Variants in NTNG1 observed in about 807,000 individuals in gnomAD.
NTNG1 encodes netrin-G1.
A neutral mutation model predicts 54.0 loss-of-function variants in NTNG1; 16 were observed. That is an observed-to-expected ratio of 0.30 (90% confidence interval 0.20 to 0.45). The LOEUF is 0.45. Among genes scored for constraint, NTNG1 ranks in the 20% least tolerant of loss-of-function variants. NTNG1 has a pLI of 1.00. For synonymous variants in NTNG1, 255 were observed against 263.1 expected (o/e 0.97, Z 0.30); for missense variants, 530 against 678.7 (o/e 0.78, Z 2.43).
At chr1:107,462,522 C>T (rs1301906625) in intron 7 of NTNG1, among the ~76,000 whole-genome samples, 2 of 152,164 alleles carry the variant, frequency 1.3e-5, no homozygotes, top group African/African-American at 2.4e-5. Flanking sequence ...AATAGATGTT[C>T]GCTTTTGTTA....
chr1:107,437,057 T>G lies in NTNG1; in HGVS notation c.1390+258T>G, dbSNP rs483206. ...TATTGTATGGAGATCCATATACCCG[T>G]CCAGACCATAAATTAAGTGACACAA... is the stretch of plus-strand genomic sequence containing the variant. On this transcript the variant is annotated intron_variant, in intron 7 of 7. Coordinates refer to ENST00000370068, the MANE Select transcript of NTNG1 (RefSeq NM_001113226.3). Among the ~76,000 whole-genome samples, 72,767 of 151,816 alleles carry G rather than the reference T, an allele frequency of 0.48. 17,834 individuals carry two copies. Among genetic ancestry groups the G allele is most frequent in the Non-Finnish European group, 0.53 (36,201 of 67,926 alleles).
At chr1:107,352,081 G>C (rs893453140) in intron 3 of NTNG1, among the ~76,000 whole-genome samples, 3 of 152,262 alleles carry the variant, frequency 2.0e-5, no homozygotes, top group African/African-American at 7.2e-5. Flanking sequence ...GCTTTGCAGG[G>C]TTCAGCCCCT....
intron 7 of NTNG1, among the ~76,000 whole-genome samples, chr1:107,449,144 C>A (rs758721561): frequency 6.6e-6 from 1 of 151,896 alleles, no homozygotes; most frequent in Non-Finnish European, 1.5e-5. Context: ...GAAAAACTTT[C>A]TTTCTCAGTG....
rs1003217082 is a variant in NTNG1, at chr1:107,383,828, C to T, written c.888-11326C>T. On this transcript the variant is annotated intron_variant, in intron 3 of 7. Coordinates refer to ENST00000370068, the MANE Select transcript of NTNG1 (RefSeq NM_001113226.3). ...TTTGTATTTCTGGGGCTGGAATACCCTAAACTTTCTGTTTCCTCAAAAGGA... is the reference window on the plus strand; with the variant it reads ...TTTGTATTTCTGGGGCTGGAATACCTTAAACTTTCTGTTTCCTCAAAAGGA... 2.6e-5 allele frequency among the ~76,000 whole-genome samples: 4 copies of T among 152,294 alleles called. No individual in the cohort carries two copies. The South Asian group carries it at 6.2e-4, about 24-fold the overall frequency.
Position 107,180,686 on chromosome 1 carries a change from G to C in NTNG1, c.246+31847G>C, listed in dbSNP as rs1656995509. ...TATATTGCCTTTATTTTGTAACATT[G>C]CTCCTTAACTCAGAGGCTTATAATT... On this transcript the variant is annotated intron_variant, in intron 2 of 7. Coordinates refer to ENST00000370068, the MANE Select transcript of NTNG1 (RefSeq NM_001113226.3). 2.6e-5 allele frequency among the ~76,000 whole-genome samples: 4 copies of C among 151,994 alleles called. No individual in the cohort carries two copies. The South Asian group carries it at 8.3e-4, about 32-fold the overall frequency.
intron 3 of NTNG1, among the ~76,000 whole-genome samples, chr1:107,333,043 A>G (rs537277892): frequency 6.6e-6 from 1 of 152,178 alleles, no homozygotes; most frequent in African/African-American, 2.4e-5. Context: ...CAGGAGCCTC[A>G]CAAACCCTAC....
rs1000489178 is a variant in NTNG1, at chr1:107,481,921, C to G, written c.*1081C>G. The G allele has an allele frequency of 4.6e-5, 7 of 152,330 alleles. No individual in the cohort carries two copies. The highest frequency in any genetic ancestry group is 1.7e-4 in the African/African-American group (7 of 41,442). 9.4% of individuals were successfully genotyped at this position (152,330 alleles called of 1,614,324 possible). A position where few individuals can be genotyped will look rare whatever the true frequency, so the allele number is the denominator to read the frequency against. The stretch of plus-strand genomic sequence containing the variant: ...CAGCCACCAAGCAGTTTCACACTCA[C>G]TTTACTGATTTCTGTGTGGACTGAG... On this transcript the variant is annotated 3_prime_UTR_variant, in exon 8 of 8. Transcript: ENST00000370068.
chr1:107,357,716 A>G (rs1038747319), intron 3 of NTNG1, among the ~76,000 whole-genome samples: 1 of 152,120 alleles, frequency 6.6e-6, no homozygotes, highest in African/African-American at 2.4e-5. Context: ...TTTTTTTTTC[A>G]GTGATATTTA....
intron 2 of NTNG1, among the ~76,000 whole-genome samples, chr1:107,287,682 A>G (rs1665285246): frequency 6.6e-6 from 1 of 152,144 alleles, no homozygotes; most frequent in African/African-American, 2.4e-5. Flanking sequence ...GAATGTGAAG[A>G]TAGGGAGTTT....
At chr1:107,277,693 C>T (rs1664569725) in intron 2 of NTNG1, among the ~76,000 whole-genome samples, 2 of 152,144 alleles carry the variant, frequency 1.3e-5, no homozygotes, top group Admixed American at 6.5e-5. Context: ...TTGGATCTTA[C>T]AGTTTAAATT....
chr1:107,243,648 C>T (rs1661990593), intron 2 of NTNG1, among the ~76,000 whole-genome samples: 1 of 152,140 alleles, frequency 6.6e-6, no homozygotes, highest in South Asian at 2.1e-4. Flanking sequence ...GTGTGCACTG[C>T]AGCCTTGAAG....
At chr1:107,415,213 C>T (rs1674115597) in intron 5 of NTNG1, among the ~76,000 whole-genome samples, 1 of 152,156 alleles carries the variant, frequency 6.6e-6, no homozygotes, top group African/African-American at 2.4e-5. Context: ...CATTTACAAG[C>T]ATATCGTGAT....
intron 3 of NTNG1, among the ~76,000 whole-genome samples, chr1:107,350,535 G>A (rs1367717259): frequency 1.3e-5 from 2 of 152,162 alleles, no homozygotes; most frequent in Non-Finnish European, 2.9e-5. Flanking sequence ...AGAGATATCT[G>A]CACTCCCTTG....
chr1:107,418,574 G>GT (rs747215380), intron 5 of NTNG1: 1 of 1,592,402 alleles, frequency 6.3e-7, no homozygotes, highest in East Asian at 2.3e-5. Flanking sequence ...TTCCTGATGC[G>GT]TGCAGATCCT....
At chr1:107,244,734 C>G (rs1187900963) in intron 2 of NTNG1, among the ~76,000 whole-genome samples, 3 of 152,210 alleles carry the variant, frequency 2.0e-5, no homozygotes, top group South Asian at 2.1e-4. Context: ...CAATCTAGCT[C>G]TCTCTCTTAC....
chr1:107,254,867 G>A (rs1282703769), intron 2 of NTNG1, among the ~76,000 whole-genome samples: 2 of 152,152 alleles, frequency 1.3e-5, no homozygotes, highest in Admixed American at 6.5e-5. Context: ...TAGACACACA[G>A]CTTTAGTATT....
At chr1:107,221,888 T>C (rs190039831) in intron 2 of NTNG1, among the ~76,000 whole-genome samples, 5 of 152,326 alleles carry the variant, frequency 3.3e-5, no homozygotes, top group Non-Finnish European at 7.3e-5. Context: ...GAGACACTTC[T>C]GTTTGTCCAG....
intron 3 of NTNG1, among the ~76,000 whole-genome samples, chr1:107,358,541 C>T (rs1412954726): frequency 1.3e-5 from 2 of 151,588 alleles, no homozygotes; most frequent in Non-Finnish European, 2.9e-5. Context: ...AAAATCTGGT[C>T]ATCTTTTTCC....
At chr1:107,355,507 A>G (rs1471451011) in intron 3 of NTNG1, among the ~76,000 whole-genome samples, 2 of 152,146 alleles carry the variant, frequency 1.3e-5, no homozygotes, top group East Asian at 3.9e-4. Context: ...TTGCAGTCTT[A>G]AGGAACATAC....
Sources: allele counts gnomAD v4.1 joint callset (sites outside exome capture counted in the v4.1 genomes callset), GRCh38; gene constraint gnomAD v4.1.1; transcripts MANE v1.5; gene names NCBI Gene and HGNC (gene_info 2026-07-23, HGNC 2026-07-21).